The following AFF1 variants were observed in gnomAD, a reference collection of about 807,000 sequenced individuals.
The protein encoded by AFF1 is ALF transcription elongation factor 1.
A neutral mutation model predicts 121.7 loss-of-function variants in AFF1; 48 were observed. The ratio of observed to expected loss-of-function variants is 0.39; its 90% confidence interval spans 0.31 to 0.50. The LOEUF (loss-of-function observed/expected upper bound fraction) is 0.50, where lower values mean the gene tolerates loss of function less well. Ranked by LOEUF, AFF1 falls within the 20% of genes least tolerant of loss-of-function variation. The pLI is 0.76. For missense variants in AFF1, 1,523 were observed against 1,511.7 expected, an observed-to-expected ratio of 1.01 and a Z score of -0.12; for synonymous variants, 613 against 563.0, an observed-to-expected ratio of 1.09 and a Z score of -1.26.
rs750029796 is a variant in AFF1, at chr4:87,127,066, C to T, written c.2852C>T (p.Ser951Phe). 28 of 1,612,872 alleles carry T rather than the reference C, an allele frequency of 1.7e-5. No individual in the cohort carries two copies. The highest frequency in any genetic ancestry group is 3.4e-6 in the Non-Finnish European group (4 of 1,179,682). The change falls in exon 15 of 21, where the codon TCT becomes TTT. Residue 951 changes from serine to phenylalanine, a missense_variant. Transcript: ENST00000395146. The stretch of plus-strand genomic sequence containing the variant: ...ACTGCAAATCCTTTTCCAGTGCCTT[C>T]TTTGCCAAATGGTAACTCTAAACCA... The part of the protein sequence containing the change: ...GDTANPFPVP[S>F]LPNGNSKPGK...
In AFF1 at chr4:86,967,516, G is replaced by A. The variant is rs116203559; in HGVS notation, c.38+18945G>A. The stretch of plus-strand genomic sequence containing the variant: ...TGGTTTAATATGATTTTAAAAGGTC[G>A]CTTGTCAAATGGAGAATGGAGTTTA... On this transcript the variant is annotated intron_variant, in intron 2 of 20. Coordinates refer to ENST00000395146, the MANE Select transcript of AFF1 (RefSeq NM_001166693.3). Among the ~76,000 whole-genome samples the A allele has an allele frequency of 3.9e-3, 596 of 152,292 alleles. 3 individuals are homozygous for A. Among genetic ancestry groups the A allele is most frequent in the African/African-American group, 0.013 (558 of 41,552 alleles).
chr4:87,112,771 A>C (rs140454234), intron 11 of AFF1, among the ~76,000 whole-genome samples: 2 of 152,224 alleles, frequency 1.3e-5, no homozygotes, highest in African/African-American at 4.8e-5. Flanking sequence ...ATGTCTTTCA[A>C]CTAATTTTCT....
intron 1 of AFF1, chr4:86,936,615 C>T (rs1720025480): frequency 6.6e-6 from 1 of 152,134 alleles, no homozygotes; most frequent in Admixed American, 6.6e-5. Flanking sequence ...CTAGGCATGG[C>T]CCTGTTTCAG....
chr4:87,041,123 C>G (rs1175109288), intron 2 of AFF1, among the ~76,000 whole-genome samples: 1 of 152,032 alleles, frequency 6.6e-6, no homozygotes, highest in Non-Finnish European at 1.5e-5. Flanking sequence ...GTGATCCGCC[C>G]ACCTTGGCCT....
chr4:87,045,652 C>T (rs1372818231), intron 2 of AFF1, among the ~76,000 whole-genome samples: 1 of 152,022 alleles, frequency 6.6e-6, no homozygotes, highest in Non-Finnish European at 1.5e-5. Flanking sequence ...GTAGAGTAGG[C>T]TGAGAAAGTA....
At chr4:87,007,077 G>T (rs1224305848) in intron 2 of AFF1, 1 of 1,219,134 alleles carries the variant, frequency 8.2e-7, no homozygotes, top group Non-Finnish European at 1.0e-6. Context: ...GTGGGGGCCC[G>T]CTGGCTTTCC....
chr4:87,089,599 T>C (rs1056458575), intron 5 of AFF1, among the ~76,000 whole-genome samples: 2 of 152,206 alleles, frequency 1.3e-5, no homozygotes, highest in Non-Finnish European at 2.9e-5. Context: ...GTAAAGAAGC[T>C]GAGGGAGAAA....
chr4:87,041,125 C>T (rs1427546220), intron 2 of AFF1, among the ~76,000 whole-genome samples: 1 of 152,102 alleles, frequency 6.6e-6, no homozygotes, highest in Admixed American at 6.5e-5. Flanking sequence ...GATCCGCCCA[C>T]CTTGGCCTCC....
chr4:86,965,434 G>A (rs1007604518), intron 2 of AFF1, among the ~76,000 whole-genome samples: 12 of 152,160 alleles, frequency 7.9e-5, no homozygotes, highest in African/African-American at 2.9e-4. Context: ...ACACACACTT[G>A]CTAAGCCTCT....
At chr4:86,959,414 T>C (rs1317133389) in intron 2 of AFF1, among the ~76,000 whole-genome samples, 4 of 152,190 alleles carry the variant, frequency 2.6e-5, no homozygotes, top group Non-Finnish European at 4.4e-5. Context: ...CTTCCTCTTT[T>C]TGTCTGCTAC....
chr4:87,072,278 G>C (rs533462023), intron 4 of AFF1, among the ~76,000 whole-genome samples: 4 of 150,964 alleles, frequency 2.6e-5, no homozygotes, highest in Admixed American at 2.6e-4. Context: ...CAGGAGAATG[G>C]CGTGAACCCG....
intron 2 of AFF1, among the ~76,000 whole-genome samples, chr4:86,989,950 C>T (rs1490881176): frequency 6.6e-6 from 1 of 152,150 alleles, no homozygotes; most frequent in Non-Finnish European, 1.5e-5. Flanking sequence ...ACCACATGTT[C>T]TCACTCATCA....
At chr4:86,952,815 G>A (rs1393141474) in intron 2 of AFF1, among the ~76,000 whole-genome samples, 1 of 151,176 alleles carries the variant, frequency 6.6e-6, no homozygotes, top group Admixed American at 6.6e-5. Context: ...TGAGTAGCTG[G>A]CACTACAGGC....
At chr4:87,125,663 G>A (rs1728161551) in intron 13 of AFF1, among the ~76,000 whole-genome samples, 1 of 152,142 alleles carries the variant, frequency 6.6e-6, no homozygotes, top group Admixed American at 6.5e-5. Flanking sequence ...ATAACAAGCA[G>A]CTATTATTTA....
chr4:86,953,900 G>A (rs180779417), intron 2 of AFF1, among the ~76,000 whole-genome samples: 23 of 151,974 alleles, frequency 1.5e-4, no homozygotes, highest in African/African-American at 4.3e-4. Flanking sequence ...TAGTAGAGAC[G>A]GGGTTTCACC....
intron 4 of AFF1, among the ~76,000 whole-genome samples, chr4:87,049,094 AAGGGG>A (rs1419741322): frequency 4.5e-5 from 3 of 67,274 alleles, no homozygotes; most frequent in Admixed American, 1.6e-4. Context: ...AAAAAAAAAA[AAGGGG>A]GGGGGGGGAC....
At chr4:87,093,990 T>C (rs954668270) in intron 7 of AFF1, among the ~76,000 whole-genome samples, 1 of 152,186 alleles carries the variant, frequency 6.6e-6, no homozygotes, top group Non-Finnish European at 1.5e-5. Flanking sequence ...GTTTAGATCA[T>C]TGATGTGTCT....
intron 2 of AFF1, among the ~76,000 whole-genome samples, chr4:86,994,388 A>G (rs1190665425): frequency 1.3e-5 from 2 of 152,234 alleles, no homozygotes; most frequent in Non-Finnish European, 1.5e-5. Context: ...GAAATTGTTC[A>G]TTGATCCTCA....
intron 2 of AFF1, among the ~76,000 whole-genome samples, chr4:86,983,323 T>C (rs999858289): frequency 1.3e-5 from 2 of 152,030 alleles, no homozygotes; most frequent in African/African-American, 4.8e-5. Context: ...AGGTCGGAGT[T>C]TGAGACCAGC....
Sources: allele counts gnomAD v4.1 joint callset (sites outside exome capture counted in the v4.1 genomes callset), GRCh38; gene constraint gnomAD v4.1.1; transcripts MANE v1.5; gene names NCBI Gene and HGNC (gene_info 2026-07-23, HGNC 2026-07-21).